THADA: variants seen among roughly 807,000 people sequenced by gnomAD.
The protein encoded by THADA is THADA armadillo repeat containing.
A neutral mutation model predicts 219.8 loss-of-function variants in THADA; 213 were observed. The ratio of observed to expected loss-of-function variants is 0.97; its 90% CI spans 0.87 to 1.09. The LOEUF (loss-of-function observed/expected upper bound fraction) is 1.09, where lower values mean the gene tolerates loss of function less well. Ranked by LOEUF, THADA falls within the 50% of genes least tolerant of loss-of-function variation. The pLI is 0.00. For missense variants in THADA, 2,956 were observed against 2,311.3 expected (o/e 1.28, Z -5.72); for synonymous variants, 1,018 against 828.9 (o/e 1.23, Z -3.92).
Position 43,508,707 on chromosome 2 carries a change from C to A in THADA, c.3448G>T (p.Asp1150Tyr). The change falls in exon 23 of 38, where the codon GAT becomes TAT. Residue 1150 changes from aspartate to tyrosine, a missense_variant. Physicochemically the swap from Asp to Tyr is radical, Grantham distance 160. Transcript: ENST00000405975. ...WSVLEEIKCS[D>Y]PSSKLCATRR... ...GTAGCACAGAGTTTAGATGAAGGAT[C>A]ACTGCATTTAATTTCCTCTAAAACA... 2 of 1,613,676 alleles carry A rather than the reference C, an allele frequency of 1.2e-6. No homozygotes were observed. The highest frequency in any genetic ancestry group is 1.7e-6 in the Non-Finnish European group (2 of 1,179,706).
chr2:43,567,052 C>T (rs1698774850), intron 14 of THADA, among the ~76,000 whole-genome samples: 1 of 151,290 alleles, frequency 6.6e-6, no homozygotes, highest in Non-Finnish European at 1.5e-5. Context: ...ACAAGAAGTA[C>T]AATTTCTATT....
intron 30 of THADA, among the ~76,000 whole-genome samples, chr2:43,331,538 C>T (rs1665773193): frequency 6.6e-6 from 1 of 152,208 alleles, no homozygotes; most frequent in African/African-American, 2.4e-5. Flanking sequence ...TGGCTGACAT[C>T]TGAGGGTTTC....
intron 26 of THADA, chr2:43,463,028 A>G (rs1301939591): frequency 6.6e-6 from 1 of 152,242 alleles, no homozygotes; most frequent in Non-Finnish European, 1.5e-5. Context: ...TGAGGGATAC[A>G]CATACCACTT....
intron 26 of THADA, among the ~76,000 whole-genome samples, chr2:43,483,218 T>C (rs1169189465): frequency 6.6e-6 from 1 of 152,138 alleles, no homozygotes; most frequent in Non-Finnish European, 1.5e-5. Context: ...CAAGATATCA[T>C]TATTACTAGC....
At position 43,552,230 on chromosome 2, in the gene THADA, T is replaced by C. The variant is rs1558958272; in HGVS notation, c.2784A>G (p.Thr928=). The part of the protein sequence containing the change: ...FPMYGRVHCI[T]GALQKLSLNS... ...TTAGAGATAACTTCTGCAAAGCTCC[T>C]GTTATACAGTGGACTCGCCCATACA... Residue 928 remains threonine, a synonymous_variant, in exon 18 of 38, where the codon ACA becomes ACG. Transcript: ENST00000405975. 1 of 1,610,360 alleles carries C rather than the reference T, an allele frequency of 6.2e-7. No homozygotes were observed.
chr2:43,527,956 G>C lies in THADA; in HGVS notation c.3297C>G (p.His1099Gln), dbSNP rs1189879719. Residue 1099 changes from histidine (H) to glutamine (Q), a missense_variant, in exon 22 of 38, where the codon CAC becomes CAG. Physicochemically the swap from His to Gln is conservative, Grantham distance 24 (BLOSUM62 0). Coordinates refer to ENST00000405975, the MANE Select transcript of THADA (RefSeq NM_022065.5). The part of the protein sequence containing the change: ...VKEIGDYFKQ[H>Q]LLQSRHRGAF... ...CTCCTCTGTGCCTGGACTGCAAAAGGTGTTGTTTAAAGTAATCTCCTATTT... is the reference window on the plus strand; with the variant it reads ...CTCCTCTGTGCCTGGACTGCAAAAGCTGTTGTTTAAAGTAATCTCCTATTT... 3 of 1,613,272 alleles carry C rather than the reference G, an allele frequency of 1.9e-6. No individual in the cohort carries two copies. The highest frequency in any genetic ancestry group is 1.7e-6 in the Non-Finnish European group (2 of 1,179,614).
intron 18 of THADA, 31 bp from the exon 19 acceptor site, chr2:43,551,956 T>A (rs1342848704): frequency 6.3e-7 from 1 of 1,580,782 alleles, no homozygotes; most frequent in South Asian, 1.2e-5. Context: ...AAATTTATAC[T>A]AAAAGCAAAA....
chr2:43,317,994 T>C (rs1678267103), intron 31 of THADA, among the ~76,000 whole-genome samples: 1 of 152,126 alleles, frequency 6.6e-6, no homozygotes, highest in Admixed American at 6.6e-5. Flanking sequence ...TCAATGACAG[T>C]TTTACTTTGT....
chr2:43,578,425 G>C, intron 9 of THADA, 88 bp downstream of exon 9: 1 of 932,868 alleles, frequency 1.1e-6, no homozygotes, highest in Non-Finnish European at 1.6e-6. Context: ...GGGATTATAA[G>C]TGTGAGCCAC....
chr2:43,484,630 A>C (rs940650136), intron 26 of THADA, among the ~76,000 whole-genome samples: 7 of 152,130 alleles, frequency 4.6e-5, no homozygotes. Flanking sequence ...ACTACCCAAA[A>C]TCAAAATGGT....
At chr2:43,545,660 T>C (rs1695928016) in intron 20 of THADA, among the ~76,000 whole-genome samples, 1 of 152,212 alleles carries the variant, frequency 6.6e-6, no homozygotes, top group African/African-American at 2.4e-5. Context: ...TTTATTTGCG[T>C]AGAAGTGTTT....
At chr2:43,453,441 ATTTGTTT>A (rs900370057) in intron 26 of THADA, among the ~76,000 whole-genome samples, 1 of 152,204 alleles carries the variant, frequency 6.6e-6, no homozygotes, top group African/African-American at 2.4e-5. Flanking sequence ...CATCTTAGCC[ATTTGTTT>A]TTTTGAGAGC....
At chr2:43,523,296 G>A (rs940293685) in intron 22 of THADA, among the ~76,000 whole-genome samples, 1 of 151,674 alleles carries the variant, frequency 6.6e-6, no homozygotes, top group East Asian at 2.0e-4. Flanking sequence ...TAAGCCAGGA[G>A]GCAGAAGTTG....
intron 28 of THADA, among the ~76,000 whole-genome samples, chr2:43,405,669 C>A (rs963630573): frequency 1.3e-5 from 2 of 152,158 alleles, no homozygotes; most frequent in South Asian, 4.2e-4. Flanking sequence ...GTAATGAGTT[C>A]GGAGCTTTTA....
chr2:43,543,348 T>C (rs1381196598), intron 20 of THADA, among the ~76,000 whole-genome samples: 1 of 149,274 alleles, frequency 6.7e-6, no homozygotes, highest in East Asian at 1.9e-4. Context: ...TGTGCATGTG[T>C]CTTTATAGCA....
At chr2:43,239,357 ACCCCCATCC>A (rs970940554) in intron 36 of THADA, among the ~76,000 whole-genome samples, 3 of 151,822 alleles carry the variant, frequency 2.0e-5, no homozygotes, top group Non-Finnish European at 4.4e-5. Context: ...GAGCGCCTCC[ACCCCCATCC>A]CCCGCCCCCC....
chr2:43,309,441 C>T (rs1280026743), intron 31 of THADA, among the ~76,000 whole-genome samples: 1 of 152,146 alleles, frequency 6.6e-6, no homozygotes, highest in African/African-American at 2.4e-5. Context: ...ACCCTAATGA[C>T]CATCAACTAG....
rs186262716 is a variant in THADA at position 43,444,252 on chromosome 2, G to T, written c.3837-13950C>A. ...CTGCACTTACTAGCATATCAAGAAT[G>T]GTTCCATATCAATCTGAAGCCATTT... On this transcript the variant is annotated intron_variant, in intron 26 of 37. Coordinates refer to ENST00000405975, the MANE Select transcript of THADA (RefSeq NM_022065.5). Among the ~76,000 whole-genome samples the T allele has an allele frequency of 2.8e-3, 431 of 152,236 alleles. 2 individuals carry two copies. Among genetic ancestry groups the T allele is most frequent in the South Asian group, 6.0e-3 (29 of 4,818 alleles).
Position 43,560,225 on chromosome 2 carries a change from T to C in THADA, c.2463+9A>G, listed in dbSNP as rs1697888029. ...ATATACCACATTTATACTAGAAAAG[T>C]CCTGATACCTGAAAATGTACAGCTG... On this transcript the variant is annotated intron_variant, in intron 16 of 37. Transcript: ENST00000405975. 6.2e-7 allele frequency: 1 copy of C among 1,608,392 alleles called. No individual in the cohort carries two copies. The highest frequency in any genetic ancestry group is 2.2e-5 in the East Asian group (1 of 44,726).
Sources: gnomAD v4.1 joint callset for allele counts (sites outside exome capture counted in the v4.1 genomes callset) on GRCh38, gnomAD v4.1.1 for gene constraint, MANE v1.5 for transcripts, NCBI Gene and HGNC (gene_info 2026-07-23, HGNC 2026-07-21) for gene names.